RNF180: variants seen among roughly 807,000 people sequenced by gnomAD.
RNF180 encodes the protein E3 ubiquitin-protein ligase RNF180.
A neutral mutation model predicts 59.2 loss-of-function variants in RNF180; 38 were observed. The observed-to-expected ratio is 0.64, with a 90% CI of 0.50 to 0.84. The LOEUF is 0.84. RNF180 is among the 40% of genes least tolerant of loss of function. The pLI, the probability that RNF180 is intolerant of heterozygous loss-of-function variation, is 0.00. For missense variants in RNF180, 705 were observed against 700.9 expected, an observed-to-expected ratio of 1.01 and a Z score of -0.07; for synonymous variants, 262 against 240.3, an observed-to-expected ratio of 1.09 and a Z score of -0.84.
chr5:64,362,127 T>G (rs567428881), intron 7 of RNF180, among the ~76,000 whole-genome samples: 1 of 151,686 alleles, frequency 6.6e-6, no homozygotes, highest in South Asian at 2.1e-4. Context: ...CATGTGCAAG[T>G]TTGTTATATA....
Position 64,231,296 on chromosome 5 carries a change from T to C in RNF180, c.1227+13900T>C, listed in dbSNP as rs568692296. On this transcript the variant is annotated intron_variant, in intron 5 of 7. Coordinates refer to ENST00000389100, the MANE Select transcript of RNF180 (RefSeq NM_001113561.2). ...GGTCCATTTCAGTCCATAGAAATAA[T>C]GGCATTCACAGACTAGAGGTTTATT... is the stretch of plus-strand genomic sequence containing the variant. Among the ~76,000 whole-genome samples, 8 of 152,308 alleles carry C rather than the reference T, an allele frequency of 5.3e-5. No homozygotes were observed. The East Asian group carries it at 1.5e-3, about 29-fold the overall frequency.
At chr5:64,239,746 A>G (rs1015405119) in intron 5 of RNF180, among the ~76,000 whole-genome samples, 25 of 152,176 alleles carry the variant, frequency 1.6e-4, no homozygotes, top group African/African-American at 5.8e-4. Context: ...TTGGATATAA[A>G]TAACGATCAT....
chr5:64,268,104 A>G (rs1744794012), intron 5 of RNF180, among the ~76,000 whole-genome samples: 1 of 152,206 alleles, frequency 6.6e-6, no homozygotes, highest in African/African-American at 2.4e-5. Flanking sequence ...CCATAAATAT[A>G]TCTGTCTTCT....
rs1228435865 is a variant in RNF180 at position 64,213,566 on chromosome 5, G to A, written c.240G>A (p.Trp80Ter). Residue 80 changes from tryptophan to a stop codon, truncating the protein, a stop_gained, in exon 4 of 8, where the codon TGG becomes TGA. Coordinates refer to ENST00000389100, the MANE Select transcript of RNF180 (RefSeq NM_001113561.2). LOFTEE classifies it high-confidence loss of function. ...TTCTTTATTACCTGTAGGCCCAGTG[G>A]ACAGTTGGAAAACTGAATTGTCCTT... ...WISCLIQKAQ[W>*]TVGKLNCPFC... The A allele has an allele frequency of 1.2e-6, 2 of 1,611,656 alleles. No individual in the cohort carries two copies. Among genetic ancestry groups the A allele is most frequent in the African/African-American group, 1.3e-5 (1 of 74,842 alleles).
At chr5:64,190,264 C>T (rs1751074526) in intron 1 of RNF180, among the ~76,000 whole-genome samples, 1 of 152,184 alleles carries the variant, frequency 6.6e-6, no homozygotes, top group South Asian at 2.1e-4. Context: ...TGCTTGCAAC[C>T]TGTCATCCCT....
chr5:64,294,423 TG>T (rs890520053), intron 5 of RNF180, among the ~76,000 whole-genome samples: 1 of 152,152 alleles, frequency 6.6e-6, no homozygotes, highest in Admixed American at 6.5e-5. Context: ...GAAAAATATC[TG>T]GGGGGTGGCA....
chr5:64,344,527 A>AC (rs1745479890), intron 7 of RNF180, among the ~76,000 whole-genome samples: 1 of 117,196 alleles, frequency 8.5e-6, no homozygotes, highest in African/African-American at 4.3e-5. Flanking sequence ...GAACTGCTAG[A>AC]AAAAAAAACA....
intron 5 of RNF180, among the ~76,000 whole-genome samples, chr5:64,305,548 G>A (rs1482694749): frequency 2.0e-5 from 3 of 151,302 alleles, no homozygotes; most frequent in South Asian, 2.1e-4. Flanking sequence ...TTTACCATAT[G>A]CGTCACCAGT....
chr5:64,268,789 T>C lies in RNF180; in HGVS notation c.1227+51393T>C, dbSNP rs977754834. 2.0e-5 allele frequency among the ~76,000 whole-genome samples: 3 copies of C among 152,164 alleles called. No homozygotes were observed. In the East Asian group the frequency reaches 5.8e-4, roughly 29 times the overall value. On this transcript the variant is annotated intron_variant, in intron 5 of 7. Coordinates refer to ENST00000389100, the MANE Select transcript of RNF180 (RefSeq NM_001113561.2). ...TCATATTTGGACTGCTACATCAACC[T>C]TGGGGAACGTGTCCTGACTTCAGTC... is the stretch of plus-strand genomic sequence containing the variant.
chr5:64,262,623 G>C (rs1744410716), intron 5 of RNF180, among the ~76,000 whole-genome samples: 1 of 152,130 alleles, frequency 6.6e-6, no homozygotes, highest in Non-Finnish European at 1.5e-5. Context: ...GGGAAAAATT[G>C]AGACTGTTAA....
rs114466408 is a variant in RNF180 at position 64,213,258 on chromosome 5, G to A, written c.232-300G>A. 7.5e-3 allele frequency among the ~76,000 whole-genome samples: 1,139 copies of A among 152,094 alleles called. 16 individuals are homozygous for A. Among genetic ancestry groups the A allele is most frequent in the Non-Finnish European group, 0.011 (756 of 68,002 alleles). The stretch of plus-strand genomic sequence containing the variant: ...TGGTTCCATAGCATATTTTTCTTTA[G>A]TTCACACTGTATCCATATTCAACCT... On this transcript the variant is annotated intron_variant, in intron 3 of 7. Transcript: ENST00000389100.
intron 7 of RNF180, among the ~76,000 whole-genome samples, chr5:64,359,743 T>C (rs1349626580): frequency 6.6e-6 from 1 of 151,994 alleles, no homozygotes; most frequent in Non-Finnish European, 1.5e-5. Context: ...TGCCTAGGTT[T>C]TCTTCTAGGG....
intron 5 of RNF180, among the ~76,000 whole-genome samples, chr5:64,265,673 T>G (rs1183976626): frequency 6.6e-6 from 1 of 152,188 alleles, no homozygotes; most frequent in East Asian, 1.9e-4. Flanking sequence ...TGCCTCCAGC[T>G]TTGTTCTTTT....
Position 64,213,962 on chromosome 5 carries a change from C to T in RNF180, c.636C>T (p.Pro212=). The change falls in exon 4 of 8, where the codon CCC becomes CCT. Residue 212 remains proline (P), a synonymous_variant. Transcript: ENST00000389100. ...ASEPKYQLFV[P]QLVTGRCATR... Reference sequence around the variant, plus strand: ...AACCAAAATACCAGCTTTTTGTTCCCCAGCTTGTGACTGGCAGATGCGCTA... The same window carrying T: ...AACCAAAATACCAGCTTTTTGTTCCTCAGCTTGTGACTGGCAGATGCGCTA... The T allele has an allele frequency of 6.2e-7, 1 of 1,613,984 alleles. No individual in the cohort carries two copies. The highest frequency in any genetic ancestry group is 1.1e-5 in the South Asian group (1 of 91,078).
intron 6 of RNF180, among the ~76,000 whole-genome samples, chr5:64,326,191 G>A (rs1283153651): frequency 2.0e-5 from 3 of 151,952 alleles, no homozygotes; most frequent in Non-Finnish European, 2.9e-5. Context: ...GAAATACAAG[G>A]ACCCACCTGC....
chr5:64,302,112 T>C (rs1743189766), intron 5 of RNF180, among the ~76,000 whole-genome samples: 1 of 151,612 alleles, frequency 6.6e-6, no homozygotes, highest in African/African-American at 2.4e-5. Flanking sequence ...AGTCTCCATA[T>C]GGCCCTTCTT....
chr5:64,292,320 T>C (rs541856622), intron 5 of RNF180, among the ~76,000 whole-genome samples: 26 of 152,140 alleles, frequency 1.7e-4, no homozygotes, highest in Non-Finnish European at 3.1e-4. Flanking sequence ...TTTGGGGGTC[T>C]TTTTTCTTGA....
chr5:64,212,214 T>C lies in RNF180; in HGVS notation c.231+54T>C, dbSNP rs574393920. On this transcript the variant is annotated intron_variant, in intron 3 of 7. Coordinates refer to ENST00000389100, the MANE Select transcript of RNF180 (RefSeq NM_001113561.2). ...AGAATATACAACCTTCAGAATGTTT[T>C]TGTCCTCCTTTTAGAGCTATTTTTC... 22 of 1,065,300 alleles carry C rather than the reference T, an allele frequency of 2.1e-5. 1 individual carries two copies. In the East Asian group the frequency reaches 5.0e-4, roughly 24 times the overall value. 66.0% of individuals were successfully genotyped at this position (1,065,300 alleles called of 1,614,324 possible).
At chr5:64,246,164 G>A (rs1029040449) in intron 5 of RNF180, among the ~76,000 whole-genome samples, 4 of 152,026 alleles carry the variant, frequency 2.6e-5, no homozygotes, top group African/African-American at 9.7e-5. Flanking sequence ...AGGAGAAAGT[G>A]GGAAAGATCT....
Sources: gnomAD v4.1 joint callset for allele counts (sites outside exome capture counted in the v4.1 genomes callset) on GRCh38, gnomAD v4.1.1 for gene constraint, MANE v1.5 for transcripts, NCBI Gene and HGNC (gene_info 2026-07-23, HGNC 2026-07-21) for gene names.